Variants in NBEA observed in about 807,000 individuals in gnomAD.
NBEA encodes the protein lysosomal-trafficking regulator 2.
NBEA carries 44 observed loss-of-function variants against 343.4 expected under a neutral mutation model. The observed-to-expected ratio is 0.13, with a 90% CI of 0.10 to 0.16. The LOEUF is 0.16. Ranked by LOEUF, NBEA falls within the 10% of genes least tolerant of loss-of-function variation. NBEA has a pLI of 1.00. For missense variants in NBEA, 2,555 were observed against 3,631.3 expected, an observed-to-expected ratio of 0.70 and a Z score of 7.62; for synonymous variants, 1,175 against 1,238.7, an observed-to-expected ratio of 0.95 and a Z score of 1.08.
chr13:35,475,958 T>G (rs1336256983), intron 41 of NBEA: 2 of 1,614,194 alleles, frequency 1.2e-6, no homozygotes, highest in Non-Finnish European at 1.7e-6. Context: ...TCGTAGCGAT[T>G]GTCCATCTCG....
chr13:35,297,069 T>C (rs1000919350), intron 35 of NBEA, among the ~76,000 whole-genome samples: 2 of 152,056 alleles, frequency 1.3e-5, no homozygotes, highest in Non-Finnish European at 2.9e-5. Context: ...GAAATTGATA[T>C]TAATGTAGTA....
intron 1 of NBEA, among the ~76,000 whole-genome samples, chr13:35,038,065 C>G (rs935036770): frequency 1.3e-4 from 20 of 152,184 alleles, no homozygotes; most frequent in African/African-American, 4.6e-4. Context: ...GGCACTCCAA[C>G]CACAAGACAC....
chr13:34,996,103 T>C (rs1474275116), intron 1 of NBEA, among the ~76,000 whole-genome samples: 2 of 152,182 alleles, frequency 1.3e-5, no homozygotes, highest in Non-Finnish European at 2.9e-5. Context: ...TCTAGGCCTA[T>C]GTCCATTCCT....
intron 34 of NBEA, among the ~76,000 whole-genome samples, chr13:35,275,583 G>C (rs2152807338): frequency 6.6e-6 from 1 of 152,108 alleles, no homozygotes; most frequent in South Asian, 2.1e-4. Context: ...CAGAATGGGA[G>C]AAAATTTTTG....
chr13:35,105,567 C>T (rs1215134126), intron 11 of NBEA, among the ~76,000 whole-genome samples: 1 of 152,028 alleles, frequency 6.6e-6, no homozygotes, highest in African/African-American at 2.4e-5. Flanking sequence ...AATTACTGAG[C>T]AAGATTCTTC....
At position 35,384,327 on chromosome 13, in the gene NBEA, A is replaced by G. The variant is rs955998595; in HGVS notation, c.6179+32004A>G. ...TAAAAATTGCTAACCAGTAAATTAC[A>G]TCTCTGAGACATTAAGTAGAACCTT... On this transcript the variant is annotated intron_variant, in intron 38 of 58. Transcript: ENST00000379939. Among the ~76,000 whole-genome samples the G allele has an allele frequency of 3.9e-5, 6 of 152,316 alleles. No homozygotes were observed. The South Asian group carries it at 1.2e-3, about 32-fold the overall frequency.
intron 34 of NBEA, among the ~76,000 whole-genome samples, chr13:35,285,538 A>T (rs532530557): frequency 3.9e-5 from 6 of 152,166 alleles, no homozygotes; most frequent in Admixed American, 1.3e-4. Context: ...TGCTTTCCTT[A>T]TCTCAGTTAA....
intron 38 of NBEA, among the ~76,000 whole-genome samples, chr13:35,389,115 C>T (rs2042382516): frequency 6.6e-6 from 1 of 151,142 alleles, no homozygotes; most frequent in Admixed American, 6.6e-5. Flanking sequence ...TCTTGCTGTT[C>T]ACAGCCGAAA....
At chr13:35,441,109 T>C (rs2045716392) in intron 39 of NBEA, among the ~76,000 whole-genome samples, 1 of 152,198 alleles carries the variant, frequency 6.6e-6, no homozygotes. Context: ...AAATTTTCTC[T>C]TCCTTCCATG....
intron 10 of NBEA, among the ~76,000 whole-genome samples, chr13:35,096,339 G>A (rs1185890237): frequency 6.6e-6 from 1 of 151,606 alleles, no homozygotes; most frequent in Non-Finnish European, 1.5e-5. Context: ...ACACTTTATG[G>A]ATAGCAGAGT....
At position 35,672,173 on chromosome 13, in the gene NBEA, G is replaced by A. The variant is rs565806447; in HGVS notation, c.*1182G>A. ...TGTACTGATCAAGTTATACACCCAG[G>A]GGTATATACACTTTCTTCATGTTTC... On this transcript the variant is annotated 3_prime_UTR_variant, in exon 59 of 59. Transcript: ENST00000379939. The A allele has an allele frequency of 3.3e-5, 5 of 152,622 alleles. No individual in the cohort carries two copies. Among genetic ancestry groups the A allele is most frequent in the South Asian group, 2.1e-4 (1 of 4,806 alleles). The allele number at this position is 152,622 out of a possible 1,614,324, so 9.5% of individuals were successfully genotyped here.
intron 38 of NBEA, among the ~76,000 whole-genome samples, chr13:35,400,224 A>C (rs1022866535): frequency 1.5e-5 from 2 of 135,944 alleles, no homozygotes; most frequent in Non-Finnish European, 3.2e-5. Context: ...AAAAAAAAAA[A>C]GTATCTGTGA....
At chr13:35,165,887 G>A (rs2069982081) in intron 24 of NBEA, among the ~76,000 whole-genome samples, 1 of 151,896 alleles carries the variant, frequency 6.6e-6, no homozygotes, top group Admixed American at 6.6e-5. Context: ...GTTTCACTAT[G>A]TTGGCCAGGC....
At chr13:35,033,543 A>G (rs1382755858) in intron 1 of NBEA, among the ~76,000 whole-genome samples, 1 of 151,884 alleles carries the variant, frequency 6.6e-6, no homozygotes, top group Non-Finnish European at 1.5e-5. Context: ...TCTGTGAAGG[A>G]TGTCATTGGT....
chr13:35,305,773 TG>T (rs771458470), intron 35 of NBEA, among the ~76,000 whole-genome samples: 5 of 152,164 alleles, frequency 3.3e-5, no homozygotes, highest in Non-Finnish European at 4.4e-5. Flanking sequence ...AACATAAACT[TG>T]TTTCTCCTGT....
chr13:35,174,549 T>TTTATCCTATTCG (rs1480065299), intron 27 of NBEA, among the ~76,000 whole-genome samples: 1 of 152,168 alleles, frequency 6.6e-6, no homozygotes, highest in Non-Finnish European at 1.5e-5. Context: ...TGACCACATA[T>TTTATCCTATTCG]TTATCCTATT....
chr13:35,326,827 A>T (rs1295146204), intron 36 of NBEA, among the ~76,000 whole-genome samples: 1 of 152,116 alleles, frequency 6.6e-6, no homozygotes, highest in East Asian at 1.9e-4. Flanking sequence ...CAGTGAAAGT[A>T]ACTGTCAACA....
chr13:35,043,096 C>G (rs1208771078), intron 2 of NBEA, among the ~76,000 whole-genome samples: 1 of 151,670 alleles, frequency 6.6e-6, no homozygotes, highest in Non-Finnish European at 1.5e-5. Flanking sequence ...AACTGAGCTG[C>G]TTGGTTGTGT....
intron 36 of NBEA, among the ~76,000 whole-genome samples, chr13:35,345,885 A>T (rs1470113675): frequency 6.6e-6 from 1 of 152,112 alleles, no homozygotes; most frequent in Admixed American, 6.6e-5. Flanking sequence ...AGACTTGAAG[A>T]TCTTTTGAGT....
Sources: gnomAD v4.1 joint callset for allele counts (sites outside exome capture counted in the v4.1 genomes callset) on GRCh38, gnomAD v4.1.1 for gene constraint, MANE v1.5 for transcripts, NCBI Gene and HGNC (gene_info 2026-07-23, HGNC 2026-07-21) for gene names.